ULK4: variants seen among roughly 807,000 people sequenced by gnomAD.
ULK4 encodes unc-51 like kinase 4, also known as inactive serine/threonine-protein kinase ULK4.
Under a neutral mutation model 160.6 loss-of-function variants are expected in ULK4, and 133 were observed. The observed-to-expected ratio is 0.83, with a 90% CI of 0.72 to 0.96. The LOEUF is 0.96. Among genes scored for constraint, ULK4 ranks in the 40% least tolerant of loss-of-function variants. ULK4 has a pLI of 0.00. For missense variants in ULK4, 1,580 were observed against 1,499.5 expected (o/e 1.05, Z -0.89); for synonymous variants, 534 against 539.8 (o/e 0.99, Z 0.15).
intron 17 of ULK4, among the ~76,000 whole-genome samples, chr3:41,862,666 TG>T (rs1448567704): frequency 1.3e-5 from 2 of 152,188 alleles, no homozygotes; most frequent in African/African-American, 4.8e-5. Context: ...ATTGCCTTGA[TG>T]GTCTTAGATG....
intron 30 of ULK4, among the ~76,000 whole-genome samples, chr3:41,620,844 C>A (rs1317604816): frequency 6.6e-6 from 1 of 152,128 alleles, no homozygotes; most frequent in Non-Finnish European, 1.5e-5. Flanking sequence ...TTGCAGATGA[C>A]ATTTTTATAT....
At chr3:41,938,227 AAG>A in intron 2 of ULK4, 30 bp from the exon 3 acceptor site, 1 of 1,570,554 alleles carries the variant, frequency 6.4e-7, no homozygotes, top group Non-Finnish European at 8.7e-7. Context: ...TCACTCTAAA[AAG>A]AAATTCCTAA....
intron 27 of ULK4, among the ~76,000 whole-genome samples, chr3:41,685,828 G>A (rs1381038747): frequency 6.6e-6 from 1 of 152,080 alleles, no homozygotes; most frequent in Non-Finnish European, 1.5e-5. Context: ...ATAAGCTCCA[G>A]TGAAGCCTTG....
chr3:41,589,896 C>CAA (rs1559416847), intron 31 of ULK4, among the ~76,000 whole-genome samples: 11 of 151,686 alleles, frequency 7.3e-5, no homozygotes. Flanking sequence ...CAAGTTCAAA[C>CAA]AAAAAAGCTA....
At chr3:41,922,528 G>C (rs1264405617) in intron 5 of ULK4, among the ~76,000 whole-genome samples, 4 of 151,830 alleles carry the variant, frequency 2.6e-5, no homozygotes, top group African/African-American at 9.7e-5. Context: ...GTAAGGGCAT[G>C]GGTGTGAGCA....
At chr3:41,694,912 T>A (rs2036436436) in intron 27 of ULK4, among the ~76,000 whole-genome samples, 1 of 152,222 alleles carries the variant, frequency 6.6e-6, no homozygotes, top group African/African-American at 2.4e-5. Context: ...GTATGTGTGT[T>A]CATACGCATA....
intron 32 of ULK4, among the ~76,000 whole-genome samples, chr3:41,556,967 TG>T (rs1487113121): frequency 2.6e-5 from 4 of 152,152 alleles, no homozygotes; most frequent in South Asian, 4.2e-4. Flanking sequence ...TGAATGGCAA[TG>T]AAAAATCCTA....
rs201360871 is a variant in ULK4 at position 41,789,844 on chromosome 3, C to T, written c.2011-1G>A. ...AATGGCGAGTGATTCTACACAAGGCCTACAAAGACAAGAGAACAGACCTGT... is the reference window on the plus strand; with the variant it reads ...AATGGCGAGTGATTCTACACAAGGCTTACAAAGACAAGAGAACAGACCTGT... On this transcript the variant is annotated splice_acceptor_variant, in intron 20 of 36. Transcript: ENST00000301831. LOFTEE classifies it high-confidence loss of function. The T allele has an allele frequency of 3.7e-6, 6 of 1,601,478 alleles. No individual in the cohort carries two copies. The highest frequency in any genetic ancestry group is 4.3e-6 in the Non-Finnish European group (5 of 1,174,316).
chr3:41,719,538 T>C (rs1165862382), intron 22 of ULK4, among the ~76,000 whole-genome samples: 1 of 152,166 alleles, frequency 6.6e-6, no homozygotes, highest in African/African-American at 2.4e-5. Flanking sequence ...CTCTACCTTA[T>C]TAAACAAACC....
chr3:41,937,162 T>G, intron 3 of ULK4: 1 of 453,902 alleles, frequency 2.2e-6, no homozygotes, highest in East Asian at 3.2e-5. Flanking sequence ...GTATTTGGGG[T>G]TTTATTTTGT....
At chr3:41,754,040 C>T (rs2038713155) in intron 22 of ULK4, among the ~76,000 whole-genome samples, 1 of 152,132 alleles carries the variant, frequency 6.6e-6, no homozygotes, top group Admixed American at 6.5e-5. Context: ...AAACCACTCC[C>T]ATGATCCAAT....
Position 41,911,598 on chromosome 3 carries a change from T to C in ULK4, c.958A>G (p.Ser320Gly), listed in dbSNP as rs1698787923. 1 of 1,613,920 alleles carries C rather than the reference T, an allele frequency of 6.2e-7. No homozygotes were observed. Among genetic ancestry groups the C allele is most frequent in the Non-Finnish European group, 8.5e-7 (1 of 1,180,046 alleles). Residue 320 changes from serine to glycine, a missense_variant, in exon 10 of 37, where the codon AGT becomes GGT. Coordinates refer to ENST00000301831, the MANE Select transcript of ULK4 (RefSeq NM_017886.4). The part of the protein sequence containing the change: ...DSKELLQNSQ[S>G]RQAKGHKSGQ... The stretch of plus-strand genomic sequence containing the variant: ...CTCTTGTGCCCTTTTGCTTGTCTAC[T>C]CTGAGAGTTCTGCAAAAGCTCCTTG...
At chr3:41,622,666 A>C (rs2125692858) in intron 30 of ULK4, among the ~76,000 whole-genome samples, 1 of 152,274 alleles carries the variant, frequency 6.6e-6, no homozygotes, top group South Asian at 2.1e-4. Flanking sequence ...CTTAAAACCG[A>C]GATGATGGGT....
intron 35 of ULK4, among the ~76,000 whole-genome samples, chr3:41,370,490 G>A (rs374761862): frequency 3.3e-5 from 5 of 152,178 alleles, no homozygotes; most frequent in East Asian, 3.9e-4. Flanking sequence ...GTTAGACAGT[G>A]CGTACAGCCC....
At chr3:41,760,306 G>C (rs2038945271) in intron 21 of ULK4, among the ~76,000 whole-genome samples, 1 of 152,092 alleles carries the variant, frequency 6.6e-6, no homozygotes, top group Non-Finnish European at 1.5e-5. Context: ...TTCATACATT[G>C]CTAGTGGGAA....
At chr3:41,500,173 CT>C (rs2085144045) in intron 32 of ULK4, among the ~76,000 whole-genome samples, 1 of 151,070 alleles carries the variant, frequency 6.6e-6, no homozygotes, top group African/African-American at 2.4e-5. Flanking sequence ...GAACTTTCTG[CT>C]TCATTAATTT....
intron 35 of ULK4, among the ~76,000 whole-genome samples, chr3:41,304,256 A>G (rs552094173): frequency 2.2e-4 from 30 of 134,348 alleles, no homozygotes; most frequent in South Asian, 4.9e-4. Flanking sequence ...CTGGACAATA[A>G]GAGCAAAGCT....
At chr3:41,954,342 C>G (rs1281843976) in intron 2 of ULK4, among the ~76,000 whole-genome samples, 1 of 125,858 alleles carries the variant, frequency 7.9e-6, no homozygotes, top group Admixed American at 8.8e-5. Flanking sequence ...AGAGAGAGAC[C>G]CTGTTTCTAA....
chr3:41,608,443 T>C (rs1447119719), intron 31 of ULK4, among the ~76,000 whole-genome samples: 2 of 152,228 alleles, frequency 1.3e-5, no homozygotes, highest in Admixed American at 6.5e-5. Flanking sequence ...GAATAAACTT[T>C]ATAGGGTCCT....
Sources: allele counts gnomAD v4.1 joint callset (sites outside exome capture counted in the v4.1 genomes callset), GRCh38; gene constraint gnomAD v4.1.1; transcripts MANE v1.5; gene names NCBI Gene and HGNC (gene_info 2026-07-23, HGNC 2026-07-21).